CYP2A6: variants seen among roughly 807,000 people sequenced by gnomAD.
CYP2A6 encodes cytochrome P450 family 2 subfamily A member 6, also known as cytochrome P450 2A6.
A neutral mutation model predicts 42.3 loss-of-function variants in CYP2A6; 27 were observed. That is an observed-to-expected ratio of 0.64 (90% CI 0.47 to 0.88). CYP2A6 has a LOEUF of 0.88. Among genes scored for constraint, CYP2A6 ranks in the 40% least tolerant of loss-of-function variants. CYP2A6 has a pLI of 0.00. For missense variants in CYP2A6, 628 were observed against 646.0 expected (o/e 0.97, Z 0.30); for synonymous variants, 238 against 246.3 (o/e 0.97, Z 0.31).
chr19:40,843,707 G>A lies in CYP2A6; in HGVS notation c.*89C>T. 2 of 1,314,438 alleles carry A rather than the reference G, an allele frequency of 1.5e-6. 1 individual carries two copies. The highest frequency in any genetic ancestry group is 2.0e-6 in the Non-Finnish European group (2 of 988,880). 81.4% of individuals were successfully genotyped at this position (1,314,438 alleles called of 1,614,324 possible). A position where few individuals can be genotyped will look rare whatever the true frequency, so the allele number is the denominator to read the frequency against. ...CTTCCTTTCCGCCATCCTGCCCCCA[G>A]TCTTAGCTGCGCCCCTCTCCCAAGC... On this transcript the variant is annotated 3_prime_UTR_variant, in exon 9 of 9. Transcript: ENST00000301141.
intron 2 of CYP2A6, among the ~76,000 whole-genome samples, chr19:40,849,021 G>GGA (rs1193510304): frequency 0.17 from 8,480 of 49,978 alleles, 2,506 homozygotes; most frequent in Non-Finnish European, 0.19. Flanking sequence ...AAGAGAGAGA[G>GGA]GAGAGAGAGA....
rs1390381487 is a variant in CYP2A6, at chr19:40,848,678, T to G, written c.429A>C (p.Arg143=). The change falls in exon 3 of 9, where the codon CGA becomes CGC. Residue 143 remains arginine (R), a synonymous_variant. Transcript: ENST00000301141. ...CCTCCTGGATGCGCTCCTCGATGCC[T>G]CGCTTGCCCACCCCGAAGTCCCGCA... is the stretch of plus-strand genomic sequence containing the variant. ...ATLRDFGVGK[R]GIEERIQEEA... is the part of the protein sequence containing the mutation. The G allele has an allele frequency of 7.4e-6, 12 of 1,611,894 alleles. No individual in the cohort carries two copies. Among genetic ancestry groups the G allele is most frequent in the East Asian group, 4.6e-5 (2 of 43,368 alleles).
In CYP2A6 at chr19:40,845,285, G is replaced by A. The variant is rs28399455; in HGVS notation, c.1161+9C>T. 101 of 1,611,442 alleles carry A rather than the reference G, an allele frequency of 6.3e-5. 8 individuals are homozygous for A. In the East Asian group the frequency reaches 8.1e-4, roughly 13 times the overall value. Reference sequence around the variant, plus strand: ...TCCCCGTAGTCTGGGGGGTGGGGGCGGATAGCACCTTAGGGAGGAAGAAAT... The same window carrying A: ...TCCCCGTAGTCTGGGGGGTGGGGGCAGATAGCACCTTAGGGAGGAAGAAAT... On this transcript the variant is annotated intron_variant, in intron 7 of 8. Coordinates refer to ENST00000301141, the MANE Select transcript of CYP2A6 (RefSeq NM_000762.6).
At chr19:40,845,934 T>A in intron 6 of CYP2A6, 22 bp downstream of exon 6, 1 of 1,608,006 alleles carries the variant, frequency 6.2e-7, no homozygotes, top group Non-Finnish European at 8.5e-7. Context: ...GGCCCTCCAC[T>A]TCCGTCCCCC....
intron 5 of CYP2A6, among the ~76,000 whole-genome samples, chr19:40,846,468 G>C (rs561338846): frequency 1.3e-5 from 2 of 151,056 alleles, no homozygotes; most frequent in East Asian, 4.0e-4. Context: ...CTGCACATGC[G>C]CATGACCATG....
Position 40,845,275 on chromosome 19 carries a change from G to T in CYP2A6, c.1161+19C>A. On this transcript the variant is annotated intron_variant, in intron 7 of 8. Coordinates refer to ENST00000301141, the MANE Select transcript of CYP2A6 (RefSeq NM_000762.6). ...GGGCTGGAAGTCCCCGTAGTCTGGG[G>T]GGTGGGGGCGGATAGCACCTTAGGG... 6.2e-7 allele frequency: 1 copy of T among 1,611,400 alleles called. No individual in the cohort carries two copies.
chr19:40,845,115 T>A (rs1433511570), intron 7 of CYP2A6, 179 bp downstream of exon 7: 1 of 733,218 alleles, frequency 1.4e-6, no homozygotes, highest in Non-Finnish European at 2.2e-6. Flanking sequence ...TCTGGAGAGA[T>A]GCAGGACTCA....
intron 2 of CYP2A6, 74 bp downstream of exon 2, chr19:40,849,744 T>C: frequency 6.3e-7 from 1 of 1,589,012 alleles, no homozygotes; most frequent in Admixed American, 1.7e-5. Flanking sequence ...GGCAGGAGAG[T>C]CAGGGAGAAG....
rs1224266348 is a variant in CYP2A6 at position 40,846,739 on chromosome 19, C to T, written c.831+136G>A. ...TGCTGGGATTACAGGCTGTTAGCCACGGCACCCAGCCAATTGTGAGGATTA... is the reference window on the plus strand; with the variant it reads ...TGCTGGGATTACAGGCTGTTAGCCATGGCACCCAGCCAATTGTGAGGATTA... On this transcript the variant is annotated intron_variant, in intron 5 of 8. Transcript: ENST00000301141. 2.7e-5 allele frequency: 36 copies of T among 1,343,984 alleles called. 1 individual carries two copies. Among genetic ancestry groups the T allele is most frequent in the East Asian group, 5.8e-5 (2 of 34,602 alleles). 83.3% of individuals were successfully genotyped at this position (1,343,984 alleles called of 1,614,324 possible). A position where few individuals can be genotyped will look rare whatever the true frequency, so the allele number is the denominator to read the frequency against.
rs372636737 is a variant in CYP2A6, at chr19:40,845,311, C to A, written c.1144G>T (p.Asp382Tyr). 1 of 1,611,510 alleles carries A rather than the reference C, an allele frequency of 6.2e-7. No homozygotes were observed. Among genetic ancestry groups the A allele is most frequent in the African/African-American group, 1.3e-5 (1 of 74,620 alleles). The stretch of plus-strand genomic sequence containing the variant: ...GATAGCACCTTAGGGAGGAAGAAAT[C>A]CCGAAACTTGGTGTCCTTTTTGACT... ...RRVKKDTKFR[D>Y]FFLPKGTEVY... Residue 382 changes from aspartate (D) to tyrosine (Y), a missense_variant, in exon 7 of 9, where the codon GAT becomes TAT. This residue lies in a region of CYP2A6 where 606 missense variants were observed against 568.1 expected (regional missense o/e 1.07). Coordinates refer to ENST00000301141, the MANE Select transcript of CYP2A6 (RefSeq NM_000762.6).
chr19:40,846,766 T>C, intron 5 of CYP2A6, 109 bp downstream of exon 5: 1 of 1,474,346 alleles, frequency 6.8e-7, no homozygotes, highest in African/African-American at 1.4e-5. Context: ...TGAGGATTAT[T>C]ATGATGAGGG....
At position 40,845,956 on chromosome 19, in the gene CYP2A6, C is replaced by G. The variant is rs374963618; in HGVS notation, c.973G>C (p.Ala325Pro). 44 of 1,610,648 alleles carry G rather than the reference C, an allele frequency of 2.7e-5. No homozygotes were observed. Among genetic ancestry groups the G allele is most frequent in the Non-Finnish European group, 3.6e-5 (42 of 1,179,612 alleles). ...CACTTCCGTCCCCCTCCAGCCTTAC[C>G]CTCCACCTCTGGGTGCTTCATGAGC... is the stretch of plus-strand genomic sequence containing the variant. The part of the protein sequence containing the change: ...LLLMKHPEVE[A>P]KVHEEIDRVI... Residue 325 changes from alanine to proline, a missense_variant and splice_region_variant, in exon 6 of 9, where the codon GCC becomes CCC. By Grantham distance (27) the Ala-to-Pro change is conservative (BLOSUM62 -1). Around this residue, in one of 2 missense-constraint regions of CYP2A6, gnomAD observed 606 missense variants for 568.1 expected, o/e 1.07. Transcript: ENST00000301141.
At chr19:40,849,692 G>C in intron 2 of CYP2A6, 126 bp downstream of exon 2, 2 of 1,519,468 alleles carry the variant, frequency 1.3e-6, no homozygotes, top group Non-Finnish European at 8.9e-7. Context: ...AGGGAGATGG[G>C]GAGGGAAGAC....
Position 40,848,134 on chromosome 19 carries a change from G to A in CYP2A6, c.654+85C>T. ...GAGGGGACACTGTCTGGAGGGCGGTGGGAGTTTGGGGCACCTGTCTCCAGG... is the reference window on the plus strand; with the variant it reads ...GAGGGGACACTGTCTGGAGGGCGGTAGGAGTTTGGGGCACCTGTCTCCAGG... On this transcript the variant is annotated intron_variant, in intron 4 of 8. Coordinates refer to ENST00000301141, the MANE Select transcript of CYP2A6 (RefSeq NM_000762.6). 3.8e-6 allele frequency: 6 copies of A among 1,580,710 alleles called. No individual in the cohort carries two copies. In the South Asian group the frequency reaches 7.0e-5, roughly 18 times the overall value.
At chr19:40,844,156 A>G (rs2083444281) in intron 8 of CYP2A6, among the ~76,000 whole-genome samples, 179 bp from the exon 9 acceptor site, 4 of 150,868 alleles carry the variant, frequency 2.7e-5, no homozygotes, top group Non-Finnish European at 1.5e-5. Flanking sequence ...AAGAGATGTA[A>G]CAATGGTGAA....
intron 2 of CYP2A6, 140 bp downstream of exon 2, chr19:40,849,678 A>C: frequency 7.2e-7 from 1 of 1,387,556 alleles, no homozygotes; most frequent in East Asian, 2.5e-5. Context: ...AGAGGCCACA[A>C]TGAAGGGAGA....
chr19:40,845,463 A>T lies in CYP2A6; in HGVS notation c.992T>A (p.Ile331Asn), dbSNP rs146206761. 1 of 1,611,142 alleles carries T rather than the reference A, an allele frequency of 6.2e-7. No individual in the cohort carries two copies. The highest frequency in any genetic ancestry group is 1.7e-5 in the Admixed American group (1 of 59,936). The change falls in exon 7 of 9, where the codon ATT (isoleucine) becomes AAT (asparagine). Residue 331 changes from isoleucine (I) to asparagine (N), a missense_variant. Coordinates refer to ENST00000301141, the MANE Select transcript of CYP2A6 (RefSeq NM_000762.6). ...PEVEAKVHEE[I>N]DRVIGKNRQP... ...CCGGTTCTTGCCGATCACTCTGTCAATCTCCTCATGGACCTTGGCTGGGGG... is the reference window on the plus strand; with the variant it reads ...CCGGTTCTTGCCGATCACTCTGTCATTCTCCTCATGGACCTTGGCTGGGGG...
Position 40,843,784 on chromosome 19 carries a change from C to T in CYP2A6, c.*12G>A, listed in dbSNP as rs2083441898. The T allele has an allele frequency of 2.5e-6, 4 of 1,601,070 alleles. No individual in the cohort carries two copies. The highest frequency in any genetic ancestry group is 3.4e-6 in the Non-Finnish European group (4 of 1,176,598). ...GCCCCGCCCACCAGACCTGCACCGG[C>T]ACAGCCCTCGCTCAGCGGGGCAGGA... On this transcript the variant is annotated 3_prime_UTR_variant, in exon 9 of 9. Transcript: ENST00000301141.
chr19:40,846,340 C>A (rs1301136301), intron 5 of CYP2A6, among the ~76,000 whole-genome samples: 1 of 146,984 alleles, frequency 6.8e-6, no homozygotes, highest in Non-Finnish European at 1.5e-5. Context: ...ACTTAGCTGT[C>A]AGTTTTTTTT....
Sources: gnomAD v4.1 joint callset for allele counts (sites outside exome capture counted in the v4.1 genomes callset) on GRCh38, gnomAD v4.1.1 for gene constraint, gnomAD v4.1.1 regional missense constraint, MANE v1.5 for transcripts, NCBI Gene and HGNC (gene_info 2026-07-23, HGNC 2026-07-21) for gene names.